TMEM232: variants seen among roughly 807,000 people sequenced by gnomAD.
The protein encoded by TMEM232 is transmembrane protein 232.
A neutral mutation model predicts 78.8 loss-of-function variants in TMEM232; 80 were observed. The observed-to-expected ratio is 1.01, with a 90% confidence interval of 0.85 to 1.22. TMEM232 has a LOEUF of 1.22. Among genes scored for constraint, TMEM232 ranks in the 50% most tolerant of loss-of-function variants. TMEM232 has a pLI of 0.00. For synonymous variants in TMEM232, 297 were observed against 254.3 expected, an observed-to-expected ratio of 1.17 and a Z score of -1.60; for missense variants, 881 against 742.2, an observed-to-expected ratio of 1.19 and a Z score of -2.17.
Position 110,530,341 on chromosome 5 carries a change from C to T in TMEM232, c.1456-1506G>A, listed in dbSNP as rs544286871. Among the ~76,000 whole-genome samples the T allele has an allele frequency of 2.6e-5, 4 of 152,046 alleles. No homozygotes were observed. The South Asian group carries it at 8.3e-4, about 32-fold the overall frequency. ...TACAAAGGATAAGGTGAAAATCATG[C>T]AAGTAAGCAAGCATGTGATTCAGTA... On this transcript the variant is annotated intron_variant, in intron 11 of 13. Transcript: ENST00000455884.
intron 12 of TMEM232, among the ~76,000 whole-genome samples, chr5:110,514,144 A>C (rs1404826419): frequency 6.6e-6 from 1 of 152,186 alleles, no homozygotes; most frequent in Non-Finnish European, 1.5e-5. Flanking sequence ...CAATGCTGAC[A>C]ATCAACATTT....
chr5:110,524,287 A>G (rs1180833747), intron 12 of TMEM232, among the ~76,000 whole-genome samples: 1 of 147,700 alleles, frequency 6.8e-6, no homozygotes, highest in Non-Finnish European at 1.5e-5. Flanking sequence ...GAAAAGAGAG[A>G]GAGGGAGAAA....
intron 10 of TMEM232, among the ~76,000 whole-genome samples, chr5:110,571,431 T>C (rs1776925468): frequency 6.6e-6 from 1 of 151,916 alleles, no homozygotes; most frequent in South Asian, 2.1e-4. Flanking sequence ...AGGTCAGGAA[T>C]ATGGCCCCCA....
chr5:110,632,274 A>C (rs947561475), intron 5 of TMEM232, among the ~76,000 whole-genome samples: 1 of 152,212 alleles, frequency 6.6e-6, no homozygotes, highest in African/African-American at 2.4e-5. Flanking sequence ...AAATTCAAAA[A>C]ATTGGAATAA....
rs1561379672 is a variant in TMEM232, at chr5:110,609,769, T to C, written c.903-3482A>G. ...ATGAATGCTGTGAACACAAACCTCT[T>C]ATTTAAAAATACAGTTTTTATATAT... On this transcript the variant is annotated intron_variant, in intron 8 of 13. Transcript: ENST00000455884. 5.3e-5 allele frequency among the ~76,000 whole-genome samples: 8 copies of C among 152,230 alleles called. No individual in the cohort carries two copies. In the South Asian group the frequency reaches 1.7e-3, roughly 32 times the overall value.
chr5:110,524,407 G>GA (rs1554098897), intron 12 of TMEM232, among the ~76,000 whole-genome samples: 4,855 of 86,382 alleles, frequency 0.056, 163 homozygotes, highest in African/African-American at 0.15. Context: ...AAGAAAGAAA[G>GA]AAAGAAAGAA....
chr5:110,492,349 GA>G (rs915365464), intron 12 of TMEM232, among the ~76,000 whole-genome samples: 2 of 151,854 alleles, frequency 1.3e-5, no homozygotes, highest in African/African-American at 4.8e-5. Flanking sequence ...TAACAATTAG[GA>G]AAATAAAACA....
At chr5:110,479,638 C>G (rs1763647048) in intron 12 of TMEM232, among the ~76,000 whole-genome samples, 2 of 151,808 alleles carry the variant, frequency 1.3e-5, no homozygotes, top group Admixed American at 1.3e-4. Context: ...GAATTTACCA[C>G]AACTTACTTA....
intron 12 of TMEM232, among the ~76,000 whole-genome samples, chr5:110,499,635 C>CCA (rs1554091660): frequency 0.012 from 1,673 of 143,594 alleles, 33 homozygotes; most frequent in African/African-American, 0.032. Context: ...ACACCCCCCC[C>CCA]CACACACACA....
intron 12 of TMEM232, among the ~76,000 whole-genome samples, chr5:110,450,972 C>G (rs1469349973): frequency 6.6e-6 from 1 of 151,970 alleles, no homozygotes; most frequent in Non-Finnish European, 1.5e-5. Flanking sequence ...AGCTACTGTC[C>G]TCTAGGTCCT....
chr5:110,604,255 A>C (rs1364639732), intron 10 of TMEM232, among the ~76,000 whole-genome samples: 2 of 152,170 alleles, frequency 1.3e-5, no homozygotes, highest in Admixed American at 1.3e-4. Flanking sequence ...ACAAAAGACT[A>C]CTTTGAGTTA....
At chr5:110,626,877 T>A (rs1432368520) in intron 6 of TMEM232, among the ~76,000 whole-genome samples, 1 of 152,052 alleles carries the variant, frequency 6.6e-6, no homozygotes, top group Non-Finnish European at 1.5e-5. Context: ...TTACCTCCCT[T>A]ATTTCCCTTT....
chr5:110,656,769 C>T (rs905552301), intron 2 of TMEM232, among the ~76,000 whole-genome samples: 5 of 150,954 alleles, frequency 3.3e-5, no homozygotes, highest in South Asian at 2.1e-4. Flanking sequence ...ACCCAGGAGG[C>T]GGAGCTTGCA....
At chr5:110,503,015 C>T (rs1455641846) in intron 12 of TMEM232, among the ~76,000 whole-genome samples, 1 of 152,138 alleles carries the variant, frequency 6.6e-6, no homozygotes, top group East Asian at 1.9e-4. Flanking sequence ...AGGTTATAAG[C>T]TATGTAAAGT....
chr5:110,601,349 A>T (rs1216254733), intron 10 of TMEM232, among the ~76,000 whole-genome samples: 1 of 152,194 alleles, frequency 6.6e-6, no homozygotes, highest in Non-Finnish European at 1.5e-5. Context: ...ATAGGAATAG[A>T]GGAAGTCAAC....
At chr5:110,405,911 A>G (rs930797165) in intron 2 of TMEM232, among the ~76,000 whole-genome samples, 3 of 151,954 alleles carry the variant, frequency 2.0e-5, no homozygotes, top group African/African-American at 7.2e-5. Flanking sequence ...TTATCAATAC[A>G]TTGATCCAAA....
chr5:110,615,164 G>T (rs1782767614), intron 8 of TMEM232, among the ~76,000 whole-genome samples: 1 of 151,882 alleles, frequency 6.6e-6, no homozygotes, highest in Middle Eastern at 3.4e-3. Flanking sequence ...TACTTAATCT[G>T]GAATCCCACA....
chr5:110,405,463 G>A (rs747641163), intron 2 of TMEM232, among the ~76,000 whole-genome samples: 14 of 151,690 alleles, frequency 9.2e-5, no homozygotes, highest in South Asian at 8.3e-4. Flanking sequence ...AGAAATTTCC[G>A]GGTATTAGAT....
At chr5:110,591,297 A>C (rs1335675393) in intron 10 of TMEM232, among the ~76,000 whole-genome samples, 1 of 152,130 alleles carries the variant, frequency 6.6e-6, no homozygotes, top group African/African-American at 2.4e-5. Context: ...GTCTCTACTA[A>C]AAATACAAAA....
Sources: allele counts gnomAD v4.1 joint callset (sites outside exome capture counted in the v4.1 genomes callset), GRCh38; gene constraint gnomAD v4.1.1; transcripts MANE v1.5; gene names NCBI Gene and HGNC (gene_info 2026-07-23, HGNC 2026-07-21).